FHIT: variants seen among roughly 807,000 people sequenced by gnomAD.
FHIT encodes fragile histidine triad diadenosine triphosphatase.
Under a neutral mutation model 17.9 loss-of-function variants are expected in FHIT, and 19 were observed. The observed-to-expected ratio is 1.06, with a 90% CI of 0.74 to 1.56. FHIT has a LOEUF of 1.56. FHIT is among the 40% of genes most tolerant of loss of function. The pLI is 0.00. For synonymous variants in FHIT, 81 were observed against 69.7 expected (o/e 1.16, Z -0.81); for missense variants, 248 against 189.2 (o/e 1.31, Z -1.82).
intron 4 of FHIT, among the ~76,000 whole-genome samples, chr3:60,553,644 G>T (rs1041083074): frequency 1.3e-5 from 2 of 151,268 alleles, no homozygotes; most frequent in Admixed American, 1.3e-4. Context: ...ACCTGACCTT[G>T]AGTATTAAAC....
chr3:59,986,923 T>A (rs1185896125), intron 7 of FHIT, among the ~76,000 whole-genome samples: 3 of 121,510 alleles, frequency 2.5e-5, no homozygotes, highest in Admixed American at 1.0e-4. Flanking sequence ...AAAATATATG[T>A]ACGTATGTAT....
chr3:60,950,995 C>T (rs1708863108), intron 3 of FHIT, among the ~76,000 whole-genome samples: 1 of 152,194 alleles, frequency 6.6e-6, no homozygotes, highest in African/African-American at 2.4e-5. Context: ...AAGAGAAATG[C>T]CAAAACATCA....
At chr3:59,861,491 C>T (rs947386603) in intron 8 of FHIT, among the ~76,000 whole-genome samples, 1 of 152,180 alleles carries the variant, frequency 6.6e-6, no homozygotes, top group Non-Finnish European at 1.5e-5. Flanking sequence ...AATGCAGAAA[C>T]TCCCAGTTTG....
rs1700121516 is a variant in FHIT at position 60,011,188 on chromosome 3, A to G, written c.279+183T>C. Among the ~76,000 whole-genome samples the G allele has an allele frequency of 2.0e-5, 3 of 152,212 alleles. No individual in the cohort carries two copies. In the South Asian group the frequency reaches 6.2e-4, roughly 32 times the overall value. On this transcript the variant is annotated intron_variant, in intron 7 of 9. Coordinates refer to ENST00000492590, the MANE Select transcript of FHIT (RefSeq NM_002012.4). ...CTAAAAGTAAATGTCTTGTAAACCA[A>G]TGGGAAACATATTGTTTGGCAGAGT...
Position 60,253,159 on chromosome 3 carries a change from C to A in FHIT, c.104-239007G>T, listed in dbSNP as rs555934285. ...TTTAAGTTTTTATTTCCATTCTACA[C>A]TCCAGTGAGCAAATCAAAATGCCTA... is the stretch of plus-strand genomic sequence containing the variant. On this transcript the variant is annotated intron_variant, in intron 5 of 9. Coordinates refer to ENST00000492590, the MANE Select transcript of FHIT (RefSeq NM_002012.4). Among the ~76,000 whole-genome samples, 9 of 152,252 alleles carry A rather than the reference C, an allele frequency of 5.9e-5. 1 individual carries two copies. In the South Asian group the frequency reaches 1.9e-3, roughly 32 times the overall value.
intron 5 of FHIT, among the ~76,000 whole-genome samples, chr3:60,467,687 T>G (rs948118844): frequency 9.2e-5 from 14 of 152,112 alleles, no homozygotes; most frequent in African/African-American, 2.9e-4. Flanking sequence ...GAGAAGATAT[T>G]TGACATAATT....
intron 5 of FHIT, among the ~76,000 whole-genome samples, chr3:60,515,283 T>C (rs1247747543): frequency 6.6e-6 from 1 of 152,178 alleles, no homozygotes; most frequent in East Asian, 1.9e-4. Flanking sequence ...CAGGAGATCC[T>C]GCCCCTGTCC....
At chr3:59,816,437 T>C (rs528927420) in intron 8 of FHIT, among the ~76,000 whole-genome samples, 1 of 152,276 alleles carries the variant, frequency 6.6e-6, no homozygotes, top group East Asian at 1.9e-4. Flanking sequence ...CTTGGCATGA[T>C]TGGAGATAAA....
intron 5 of FHIT, among the ~76,000 whole-genome samples, chr3:60,377,464 CTTTTTTTTTT>C (rs1196507429): frequency 8.1e-5 from 4 of 49,688 alleles, no homozygotes; most frequent in South Asian, 1.1e-3. Context: ...GCCAAGAATT[CTTTTTTTTTT>C]TTTTTTTTTT....
At chr3:60,318,003 G>A (rs535762464) in intron 5 of FHIT, among the ~76,000 whole-genome samples, 3 of 151,936 alleles carry the variant, frequency 2.0e-5, no homozygotes, top group Non-Finnish European at 4.4e-5. Context: ...TGTTGGCCAG[G>A]CTGGTCTCAA....
chr3:60,568,867 A>G (rs2107657483), intron 4 of FHIT, among the ~76,000 whole-genome samples: 1 of 152,306 alleles, frequency 6.6e-6, no homozygotes, highest in South Asian at 2.1e-4. Flanking sequence ...ATCTTTACTT[A>G]TAAGAGACAA....
At chr3:60,014,451 A>C (rs1157608443) in intron 5 of FHIT, among the ~76,000 whole-genome samples, 2 of 152,208 alleles carry the variant, frequency 1.3e-5, no homozygotes, top group Non-Finnish European at 2.9e-5. Context: ...GCGAGGAGGC[A>C]AGATCTATTC....
chr3:60,458,143 T>C (rs142377979), intron 5 of FHIT, among the ~76,000 whole-genome samples: 6,428 of 152,228 alleles, frequency 0.042, 427 homozygotes, highest in African/African-American at 0.14. Context: ...CGTATGTTTA[T>C]TGCGGCACTA....
At position 59,986,338 on chromosome 3, in the gene FHIT, G is replaced by A. The variant is rs1185470446; in HGVS notation, c.279+25033C>T. On this transcript the variant is annotated intron_variant, in intron 7 of 9. Transcript: ENST00000492590. Reference sequence around the variant, plus strand: ...AGTTAAGAAACACCACATGTACAAAGAAGGATTAAGATTCCAAATACTGTC... The same window carrying A: ...AGTTAAGAAACACCACATGTACAAAAAAGGATTAAGATTCCAAATACTGTC... Among the ~76,000 whole-genome samples, 4 of 150,984 alleles carry A rather than the reference G, an allele frequency of 2.6e-5. No homozygotes were observed. In the Admixed American group the frequency reaches 2.7e-4, roughly 10 times the overall value.
chr3:61,094,680 C>T (rs550685735), intron 2 of FHIT, among the ~76,000 whole-genome samples: 7 of 152,300 alleles, frequency 4.6e-5, no homozygotes, highest in African/African-American at 1.7e-4. Context: ...GCCAGCATTA[C>T]TACTCTTGTG....
chr3:60,435,442 A>ATTT (rs11347167), intron 5 of FHIT, among the ~76,000 whole-genome samples: 2 of 151,056 alleles, frequency 1.3e-5, no homozygotes, highest in Non-Finnish European at 2.9e-5. Context: ...AATAAAAATG[A>ATTT]TTTTTTTTTT....
At chr3:60,693,161 T>C (rs1327965886) in intron 4 of FHIT, among the ~76,000 whole-genome samples, 1 of 152,228 alleles carries the variant, frequency 6.6e-6, no homozygotes, top group East Asian at 1.9e-4. Context: ...TAGAGGCTAC[T>C]ACTCCAATAT....
At chr3:60,518,192 T>C (rs2035230472) in intron 5 of FHIT, among the ~76,000 whole-genome samples, 1 of 152,160 alleles carries the variant, frequency 6.6e-6, no homozygotes, top group South Asian at 2.1e-4. Flanking sequence ...AATAACATCT[T>C]AAAGAAACTG....
At chr3:60,764,809 A>C (rs746972059) in intron 4 of FHIT, among the ~76,000 whole-genome samples, 20 of 151,206 alleles carry the variant, frequency 1.3e-4, no homozygotes, top group Non-Finnish European at 2.9e-4. Flanking sequence ...ATGTTATATA[A>C]ATGACATGTC....
Sources: gnomAD v4.1 joint callset for allele counts (sites outside exome capture counted in the v4.1 genomes callset) on GRCh38, gnomAD v4.1.1 for gene constraint, MANE v1.5 for transcripts, NCBI Gene and HGNC (gene_info 2026-07-23, HGNC 2026-07-21) for gene names.